Variants in ADAMTS20 observed in about 807,000 individuals in gnomAD.
The protein encoded by ADAMTS20 is A disintegrin and metalloproteinase with thrombospondin motifs 20.
ADAMTS20 carries 225 observed loss-of-function variants against 260.1 expected under a neutral mutation model. That is an observed-to-expected ratio of 0.87 (90% CI 0.78 to 0.97). The LOEUF (loss-of-function observed/expected upper bound fraction) is 0.97, where lower values mean the gene tolerates loss of function less well. ADAMTS20 is among the 50% of genes least tolerant of loss of function. The pLI is 0.00. For missense variants in ADAMTS20, 2,400 were observed against 2,337.7 expected (o/e 1.03, Z -0.55); for synonymous variants, 802 against 769.5 (o/e 1.04, Z -0.70).
chr12:43,382,777 TA>T (rs1366727127), intron 31 of ADAMTS20, among the ~76,000 whole-genome samples: 6 of 151,750 alleles, frequency 4.0e-5, no homozygotes, highest in South Asian at 2.1e-4. Context: ...ATGGAAGATA[TA>T]AAAAAGCTGA....
intron 11 of ADAMTS20, among the ~76,000 whole-genome samples, chr12:43,458,599 T>C (rs1448430253): frequency 6.6e-6 from 1 of 152,222 alleles, no homozygotes; most frequent in African/African-American, 2.4e-5. Context: ...ATTTGGTAAC[T>C]TCATATAATG....
chr12:43,485,872 T>TG (rs1942515461), intron 7 of ADAMTS20, among the ~76,000 whole-genome samples: 1 of 151,368 alleles, frequency 6.6e-6, no homozygotes, highest in Non-Finnish European at 1.5e-5. Flanking sequence ...ACCAAGGAGG[T>TG]GGAAAATCGC....
chr12:43,489,555 A>T (rs1169537525), intron 7 of ADAMTS20, among the ~76,000 whole-genome samples: 1 of 152,006 alleles, frequency 6.6e-6, no homozygotes, highest in Non-Finnish European at 1.5e-5. Flanking sequence ...AAAATATATT[A>T]CATTTAGACT....
chr12:43,528,367 AAAAAAAAC>A (rs1178507633), intron 3 of ADAMTS20, among the ~76,000 whole-genome samples: 2 of 148,518 alleles, frequency 1.3e-5, no homozygotes, highest in African/African-American at 4.9e-5. Context: ...AAAAAAAAAA[AAAAAAAAC>A]ACAAATCCGG....
rs1267092118 is a variant in ADAMTS20, at chr12:43,551,731, G to A, written c.91+100C>T. 8.0e-7 allele frequency: 1 copy of A among 1,251,138 alleles called. No individual in the cohort carries two copies. Among genetic ancestry groups the A allele is most frequent in the South Asian group, 1.2e-5 (1 of 80,232 alleles). The allele number at this position is 1,251,138 out of a possible 1,614,324, so 77.5% of individuals were successfully genotyped here. On this transcript the variant is annotated intron_variant, in intron 1 of 38. Coordinates refer to ENST00000389420, the MANE Select transcript of ADAMTS20 (RefSeq NM_025003.5). The surrounding 1 kb of genome is among the most constrained non-coding windows in gnomAD (Gnocchi z 4.6). ...TCCCGGGAGCTCCAGCAGGGCCAGC[G>A]TTCCCCAACGGGCTGAGCCGCTCGT...
intron 28 of ADAMTS20, among the ~76,000 whole-genome samples, chr12:43,418,656 G>C (rs1162427343): frequency 1.3e-5 from 2 of 152,144 alleles, no homozygotes; most frequent in Admixed American, 6.6e-5. Flanking sequence ...TTTCAGAAAC[G>C]ATATGCCAAT....
chr12:43,523,793 G>A (rs920038864), intron 3 of ADAMTS20, among the ~76,000 whole-genome samples: 16 of 152,062 alleles, frequency 1.1e-4, no homozygotes, highest in East Asian at 5.9e-4. Context: ...GTTCCTTGCC[G>A]CACACTCAGA....
At chr12:43,493,322 A>T (rs2137432325) in intron 4 of ADAMTS20, 69 bp from the exon 5 acceptor site, 1 of 1,111,940 alleles carries the variant, frequency 9.0e-7, no homozygotes, top group Non-Finnish European at 1.3e-6. Flanking sequence ...AAGTTGAAAT[A>T]GTCACAGAGT....
intron 28 of ADAMTS20, among the ~76,000 whole-genome samples, chr12:43,416,513 G>C (rs1704121352): frequency 6.7e-6 from 1 of 149,136 alleles, no homozygotes. Flanking sequence ...TTACAAACAA[G>C]TCAAACTGAC....
chr12:43,551,244 A>G lies in ADAMTS20; in HGVS notation c.118T>C (p.Tyr40His). The change falls in exon 2 of 39, where the codon TAC (tyrosine) becomes CAC (histidine). Residue 40 changes from tyrosine to histidine, a missense_variant. Coordinates refer to ENST00000389420, the MANE Select transcript of ADAMTS20 (RefSeq NM_025003.5). The surrounding 1 kb of genome is among the most constrained non-coding windows in gnomAD (Gnocchi z 4.6). ...ACCCGCTCGGGGATCACTACTTCGTAGGAGGTCAGTGTCCTCACCAGGGCT... is the reference window on the plus strand; with the variant it reads ...ACCCGCTCGGGGATCACTACTTCGTGGGAGGTCAGTGTCCTCACCAGGGCT... ...QEALVRTLTSYEVVIPERVNE... is the reference protein window; with the variant it reads ...QEALVRTLTSHEVVIPERVNE... 6.2e-7 allele frequency: 1 copy of G among 1,613,672 alleles called. No homozygotes were observed. Among genetic ancestry groups the G allele is most frequent in the Admixed American group, 1.7e-5 (1 of 60,008 alleles).
intron 4 of ADAMTS20, among the ~76,000 whole-genome samples, chr12:43,500,565 G>A (rs1201340106): frequency 6.6e-6 from 1 of 151,914 alleles, no homozygotes; most frequent in Admixed American, 6.6e-5. Flanking sequence ...AAAGTAATTA[G>A]GATAAATTTC....
Position 43,405,233 on chromosome 12 carries a change from A to C in ADAMTS20, c.4285-6000T>G, listed in dbSNP as rs1172529745. Among the ~76,000 whole-genome samples, 68 of 114,236 alleles carry C rather than the reference A, an allele frequency of 6.0e-4. 2 individuals carry two copies. The highest frequency in any genetic ancestry group is 4.2e-3 in the Middle Eastern group (1 of 240). 74.9% of individuals were successfully genotyped at this position (114,236 alleles called of 152,430 possible). ...CAAAATGAGACCTCATCTCTACAAA[A>C]AAAAAAAAAAAAAAAAAAAAAAAAA... is the stretch of plus-strand genomic sequence containing the variant. On this transcript the variant is annotated intron_variant, in intron 28 of 38. Coordinates refer to ENST00000389420, the MANE Select transcript of ADAMTS20 (RefSeq NM_025003.5).
At position 43,376,306 on chromosome 12, in the gene ADAMTS20, T is replaced by C; in HGVS notation, c.5150A>G (p.Glu1717Gly). 2 of 1,554,004 alleles carry C rather than the reference T, an allele frequency of 1.3e-6. No homozygotes were observed. The highest frequency in any genetic ancestry group is 1.7e-6 in the Non-Finnish European group (2 of 1,147,692). Residue 1717 changes from glutamate (E) to glycine (G), a missense_variant, in exon 34 of 39, where the codon GAA becomes GGA. Physicochemically the swap from Glu to Gly is moderately conservative, Grantham distance 98. Transcript: ENST00000389420. ...TCTAATGTGGTTTTTCACTTGAATT[T>C]CTTTGCAGGTGGTAAATGATTTACC... Reference protein sequence around the residue: ...NDCKSFTTCKEIQVKNHIRKD... With the variant: ...NDCKSFTTCKGIQVKNHIRKD...
chr12:43,422,329 C>T (rs771108472), intron 28 of ADAMTS20, among the ~76,000 whole-genome samples: 12 of 152,010 alleles, frequency 7.9e-5, no homozygotes, highest in South Asian at 4.1e-4. Flanking sequence ...TCTTAATTTT[C>T]TACTTAGTCA....
chr12:43,454,232 T>C (rs1941924501), intron 11 of ADAMTS20, among the ~76,000 whole-genome samples, 180 bp from the exon 12 acceptor site: 2 of 152,188 alleles, frequency 1.3e-5, no homozygotes, highest in Admixed American at 1.3e-4. Flanking sequence ...CTAAGATCTG[T>C]GGAATAGAAA....
intron 7 of ADAMTS20, among the ~76,000 whole-genome samples, chr12:43,476,838 A>T (rs976740182): frequency 1.3e-5 from 2 of 149,022 alleles, no homozygotes; most frequent in Non-Finnish European, 3.0e-5. Flanking sequence ...CACTCTGGGG[A>T]CTGTGGTGGG....
Position 43,532,036 on chromosome 12 carries a change from C to G in ADAMTS20, c.613G>C (p.Glu205Gln). The G allele has an allele frequency of 6.4e-7, 1 of 1,556,678 alleles. No homozygotes were observed. Among genetic ancestry groups the G allele is most frequent in the Non-Finnish European group, 8.7e-7 (1 of 1,150,062 alleles). The change falls in exon 3 of 39, where the codon GAA (glutamate) becomes CAA (glutamine). Residue 205 changes from glutamate to glutamine, a missense_variant and splice_region_variant. By Grantham distance (29) the Glu-to-Gln change is conservative. Coordinates refer to ENST00000389420, the MANE Select transcript of ADAMTS20 (RefSeq NM_025003.5). ...AAAAGAGTTCTATTTCACAGTTTAC[C>G]TGACACACTGCAATACTTCAGAGTC... is the stretch of plus-strand genomic sequence containing the variant. ...LQTLKYCSVS[E>Q]SQIKETSLPF...
intron 33 of ADAMTS20, 84 bp downstream of exon 33, chr12:43,376,440 A>C: frequency 6.8e-7 from 1 of 1,473,054 alleles, no homozygotes; most frequent in Non-Finnish European, 9.2e-7. Context: ...TGTTTTGTGG[A>C]GTGTGAAACT....
intron 37 of ADAMTS20, 45 bp downstream of exon 37, chr12:43,369,245 T>A: frequency 8.0e-7 from 1 of 1,246,100 alleles, no homozygotes; most frequent in Non-Finnish European, 1.1e-6. Flanking sequence ...GAAGCTATAA[T>A]TTTTTTCACA....
Sources: gnomAD v4.1 joint callset for allele counts (sites outside exome capture counted in the v4.1 genomes callset) on GRCh38, gnomAD v4.1.1 for gene constraint, Gnocchi (gnomAD v3.1) non-coding constraint, MANE v1.5 for transcripts, NCBI Gene and HGNC (gene_info 2026-07-23, HGNC 2026-07-21) for gene names.